The following LTBP1 variants were observed in gnomAD, a reference collection of about 807,000 sequenced individuals.
LTBP1 encodes latent transforming growth factor beta binding protein 1.
A neutral mutation model predicts 207.6 loss-of-function variants in LTBP1; 129 were observed. That is an observed-to-expected ratio of 0.62 (90% CI 0.54 to 0.72). The LOEUF (loss-of-function observed/expected upper bound fraction) is 0.72. LTBP1 is among the 30% of genes least tolerant of loss of function. The probability of loss-of-function intolerance (pLI) is 0.00; values close to 1 mark genes in which losing one functional copy is unlikely to be tolerated. For missense variants in LTBP1, 2,281 were observed against 2,217.2 expected, an observed-to-expected ratio of 1.03 and a Z score of -0.58; for synonymous variants, 963 against 833.7, an observed-to-expected ratio of 1.16 and a Z score of -2.67.
At chr2:33,391,140 T>C (rs2095311181) in intron 32 of LTBP1, among the ~76,000 whole-genome samples, 1 of 151,814 alleles carries the variant, frequency 6.6e-6, no homozygotes, top group Non-Finnish European at 1.5e-5. Flanking sequence ...AAAATGTCCA[T>C]GATAAGAACA....
chr2:33,368,367 G>A (rs2095025811), intron 31 of LTBP1, among the ~76,000 whole-genome samples: 1 of 152,148 alleles, frequency 6.6e-6, no homozygotes, highest in Non-Finnish European at 1.5e-5. Context: ...TCCATTGGTG[G>A]ATACTTAGGT....
chr2:33,027,072 A>G (rs2075451858), intron 3 of LTBP1, among the ~76,000 whole-genome samples: 1 of 152,134 alleles, frequency 6.6e-6, no homozygotes, highest in Non-Finnish European at 1.5e-5. Context: ...TCATCTATGC[A>G]GTTGTGTGAC....
intron 9 of LTBP1, among the ~76,000 whole-genome samples, chr2:33,234,835 C>A (rs1377433818): frequency 2.6e-5 from 4 of 152,134 alleles, no homozygotes; most frequent in African/African-American, 9.7e-5. Context: ...TACAAGGCTA[C>A]AGTAACTGTA....
intron 19 of LTBP1, among the ~76,000 whole-genome samples, chr2:33,285,127 C>T (rs556671396): frequency 4.2e-4 from 64 of 150,762 alleles, no homozygotes; most frequent in South Asian, 1.1e-3. Context: ...CTGCAACCTC[C>T]GCCTCCAGGG....
At chr2:33,210,831 A>G (rs919529027) in intron 7 of LTBP1, among the ~76,000 whole-genome samples, 2 of 152,166 alleles carry the variant, frequency 1.3e-5, no homozygotes, top group African/African-American at 2.4e-5. Flanking sequence ...CTCTCTCCCC[A>G]GTAGAGCCAT....
intron 2 of LTBP1, among the ~76,000 whole-genome samples, chr2:33,006,838 A>C (rs973326134): frequency 1.3e-5 from 2 of 152,098 alleles, no homozygotes; most frequent in Non-Finnish European, 2.9e-5. Context: ...TTTTCACAGT[A>C]AGAGAGCTAG....
chr2:33,247,792 G>A (rs575853150), intron 10 of LTBP1, among the ~76,000 whole-genome samples: 1 of 152,354 alleles, frequency 6.6e-6, no homozygotes, highest in African/African-American at 2.4e-5. Flanking sequence ...TATCCAAGGA[G>A]CAACATGTGG....
intron 10 of LTBP1, among the ~76,000 whole-genome samples, chr2:33,252,066 C>T (rs2092701480): frequency 6.6e-6 from 1 of 152,196 alleles, no homozygotes; most frequent in Admixed American, 6.5e-5. Context: ...GAGCTGAGCA[C>T]ATCATCTCTT....
chr2:33,046,437 AC>A (rs1289286071), intron 3 of LTBP1, among the ~76,000 whole-genome samples: 3 of 152,152 alleles, frequency 2.0e-5, no homozygotes, highest in South Asian at 2.1e-4. Flanking sequence ...CATATGTTGA[AC>A]CAGCCTTGCC....
intron 2 of LTBP1, among the ~76,000 whole-genome samples, chr2:33,018,012 G>A (rs905768664): frequency 1.3e-5 from 2 of 152,082 alleles, no homozygotes; most frequent in African/African-American, 2.4e-5. Context: ...GGTAGGGTAG[G>A]TAGAAGAGAA....
chr2:33,042,986 C>T (rs964350669), intron 3 of LTBP1, among the ~76,000 whole-genome samples: 8 of 152,158 alleles, frequency 5.3e-5, no homozygotes, highest in Admixed American at 3.9e-4. Context: ...ATCTGACTAC[C>T]TGCACCCCAG....
At chr2:33,057,134 T>C (rs149089955) in intron 3 of LTBP1, among the ~76,000 whole-genome samples, 2,344 of 147,688 alleles carry the variant, frequency 0.016, 72 homozygotes, top group African/African-American at 0.054. Flanking sequence ...TGCTGATTGG[T>C]GTATTCACAA....
rs2080351378 is a variant in LTBP1, at chr2:33,110,665, C to G, written c.947C>G (p.Ala316Gly). ...EYVLKPKYFP[A>G]QKGISGEQST... ...GTGCTCAAGCCCAAGTACTTTCCAGCCCAGAAGGGGATTTCAGGAGAGCAG... is the reference window on the plus strand; with the variant it reads ...GTGCTCAAGCCCAAGTACTTTCCAGGCCAGAAGGGGATTTCAGGAGAGCAG... Residue 316 changes from alanine to glycine, a missense_variant, in exon 4 of 34, where the codon GCC becomes GGC. Ala to Gly is a moderately conservative substitution (Grantham distance 60). Transcript: ENST00000404816. 6.2e-7 allele frequency: 1 copy of G among 1,614,026 alleles called. No individual in the cohort carries two copies. Among genetic ancestry groups the G allele is most frequent in the Non-Finnish European group, 8.5e-7 (1 of 1,180,018 alleles).
intron 8 of LTBP1, among the ~76,000 whole-genome samples, chr2:33,219,270 C>T (rs1036981964): frequency 6.6e-6 from 1 of 152,104 alleles, no homozygotes; most frequent in Admixed American, 6.5e-5. Context: ...AGCAGATGTT[C>T]TAAGCTGATT....
At chr2:33,312,372 C>T (rs1328414291) in intron 23 of LTBP1, among the ~76,000 whole-genome samples, 1 of 152,120 alleles carries the variant, frequency 6.6e-6, no homozygotes, top group African/African-American at 2.4e-5. Context: ...TTTTCTTTCC[C>T]ATACAAAACT....
chr2:33,200,071 A>G (rs986398323), intron 7 of LTBP1, among the ~76,000 whole-genome samples: 2 of 152,206 alleles, frequency 1.3e-5, no homozygotes, highest in Admixed American at 6.5e-5. Context: ...TATAGATTCA[A>G]TGCCATCCCC....
At chr2:33,052,566 C>T (rs911593095) in intron 3 of LTBP1, among the ~76,000 whole-genome samples, 5 of 151,944 alleles carry the variant, frequency 3.3e-5, no homozygotes, top group African/African-American at 1.2e-4. Context: ...ATTTTGTTGG[C>T]AATAAACTTA....
At chr2:32,970,958 T>G (rs937968208) in intron 2 of LTBP1, among the ~76,000 whole-genome samples, 1 of 151,950 alleles carries the variant, frequency 6.6e-6, no homozygotes, top group Non-Finnish European at 1.5e-5. Context: ...CAATTCTTGT[T>G]GTAGAGATCT....
At chr2:33,347,864 A>T (rs548416499) in intron 26 of LTBP1, among the ~76,000 whole-genome samples, 1 of 152,358 alleles carries the variant, frequency 6.6e-6, no homozygotes, top group African/African-American at 2.4e-5. Flanking sequence ...ATAATCCTCC[A>T]TACGTTCTTG....
Sources: allele counts gnomAD v4.1 joint callset (sites outside exome capture counted in the v4.1 genomes callset), GRCh38; gene constraint gnomAD v4.1.1; transcripts MANE v1.5; gene names NCBI Gene and HGNC (gene_info 2026-07-23, HGNC 2026-07-21).